The following SLC2A13 variants were observed in gnomAD, a reference collection of about 807,000 sequenced individuals.
The protein encoded by SLC2A13 is proton myo-inositol cotransporter.
A neutral mutation model predicts 64.4 loss-of-function variants in SLC2A13; 32 were observed. That is an observed-to-expected ratio of 0.50 (90% CI 0.37 to 0.67). The LOEUF is 0.67. SLC2A13 is among the 30% of genes least tolerant of loss of function. The pLI, the probability that SLC2A13 is intolerant of heterozygous loss-of-function variation, is 0.00. For synonymous variants in SLC2A13, 338 were observed against 327.1 expected, an observed-to-expected ratio of 1.03 and a Z score of -0.36; for missense variants, 743 against 829.2, an observed-to-expected ratio of 0.90 and a Z score of 1.28.
At chr12:40,104,849 T>C (rs1056514554) in intron 1 of SLC2A13, among the ~76,000 whole-genome samples, 2 of 152,092 alleles carry the variant, frequency 1.3e-5, no homozygotes, top group African/African-American at 2.4e-5. Flanking sequence ...GGGCTAGCAG[T>C]GGAGAGGCAA....
intron 7 of SLC2A13, among the ~76,000 whole-genome samples, chr12:39,785,693 C>G (rs769441479): frequency 3.9e-5 from 6 of 152,106 alleles, no homozygotes; most frequent in Non-Finnish European, 8.8e-5. Context: ...TGAAAGCAGC[C>G]AGGAGGGAGG....
At chr12:39,819,573 A>G (rs2135822942) in intron 7 of SLC2A13, among the ~76,000 whole-genome samples, 1 of 152,254 alleles carries the variant, frequency 6.6e-6, no homozygotes, top group Non-Finnish European at 1.5e-5. Flanking sequence ...CTTTTCTCTC[A>G]AATGTCCTTG....
At chr12:39,850,894 C>T (rs561368499) in intron 6 of SLC2A13, among the ~76,000 whole-genome samples, 5 of 151,644 alleles carry the variant, frequency 3.3e-5, no homozygotes, top group Non-Finnish European at 7.4e-5. Context: ...TTAGGCCCCA[C>T]AAAGTTAATT....
chr12:40,080,756 G>A (rs1188821298), intron 1 of SLC2A13, among the ~76,000 whole-genome samples: 1 of 152,156 alleles, frequency 6.6e-6, no homozygotes, highest in Non-Finnish European at 1.5e-5. Context: ...GTTGTTAGTA[G>A]GTTGTTATGC....
At chr12:40,043,406 G>A (rs571447649) in intron 2 of SLC2A13, among the ~76,000 whole-genome samples, 4 of 152,132 alleles carry the variant, frequency 2.6e-5, no homozygotes, top group Admixed American at 2.6e-4. Context: ...GAGGCAGGTG[G>A]CTCACTTGAG....
At chr12:39,886,235 T>C (rs1221434350) in intron 4 of SLC2A13, among the ~76,000 whole-genome samples, 1 of 152,092 alleles carries the variant, frequency 6.6e-6, no homozygotes, top group Non-Finnish European at 1.5e-5. Flanking sequence ...GACACACAAA[T>C]GTATTATTAA....
intron 6 of SLC2A13, among the ~76,000 whole-genome samples, chr12:39,861,197 C>A (rs1042438501): frequency 3.9e-5 from 6 of 152,204 alleles, no homozygotes; most frequent in Non-Finnish European, 4.4e-5. Context: ...TCTCTGAGTG[C>A]CATCATCCCA....
rs556669152 is a variant in SLC2A13, at chr12:39,800,432, G to A, written c.1445+29671C>T. On this transcript the variant is annotated intron_variant, in intron 7 of 9. Coordinates refer to ENST00000280871, the MANE Select transcript of SLC2A13 (RefSeq NM_052885.4). Reference sequence around the variant, plus strand: ...CAAACAACCCCATCAAAAAGTGGGCGAAGGACATGAACAGACACTTCTCAA... The same window carrying A: ...CAAACAACCCCATCAAAAAGTGGGCAAAGGACATGAACAGACACTTCTCAA... Among the ~76,000 whole-genome samples, 807 of 146,168 alleles carry A rather than the reference G, an allele frequency of 5.5e-3. 8 individuals are homozygous for A. The highest frequency in any genetic ancestry group is 0.017 in the African/African-American group (687 of 39,414).
At chr12:39,808,284 C>A (rs989200730) in intron 7 of SLC2A13, among the ~76,000 whole-genome samples, 10 of 152,114 alleles carry the variant, frequency 6.6e-5, no homozygotes, top group Non-Finnish European at 1.3e-4. Context: ...ATCAGTAATT[C>A]CTTCCATCTA....
intron 1 of SLC2A13, among the ~76,000 whole-genome samples, chr12:40,048,904 C>G (rs971795576): frequency 2.0e-5 from 3 of 152,082 alleles, no homozygotes; most frequent in East Asian, 1.9e-4. Context: ...TTACCTCACC[C>G]ACCTCAGACC....
intron 3 of SLC2A13, among the ~76,000 whole-genome samples, chr12:39,974,891 C>T (rs982920456): frequency 6.6e-5 from 10 of 152,146 alleles, no homozygotes; most frequent in African/African-American, 2.4e-4. Context: ...AAATTCTTTT[C>T]TATTGCCAAC....
chr12:39,912,201 CT>C (rs1367037828), intron 4 of SLC2A13, among the ~76,000 whole-genome samples: 1 of 152,034 alleles, frequency 6.6e-6, no homozygotes, highest in Non-Finnish European at 1.5e-5. Flanking sequence ...TATAATTGAG[CT>C]TCCTAGATGT....
chr12:39,980,091 A>C (rs1946859332), intron 3 of SLC2A13, among the ~76,000 whole-genome samples: 1 of 152,124 alleles, frequency 6.6e-6, no homozygotes, highest in Non-Finnish European at 1.5e-5. Context: ...TAAGTGAAGG[A>C]GAAATAAAAT....
intron 3 of SLC2A13, among the ~76,000 whole-genome samples, chr12:39,986,766 C>A (rs142011252): frequency 9.2e-5 from 14 of 151,674 alleles, no homozygotes; most frequent in African/African-American, 3.4e-4. Flanking sequence ...ATCAAACCGA[C>A]CAATTTCAAA....
At chr12:39,926,093 T>C (rs541874067) in intron 4 of SLC2A13, among the ~76,000 whole-genome samples, 1 of 152,296 alleles carries the variant, frequency 6.6e-6, no homozygotes, top group East Asian at 1.9e-4. Flanking sequence ...GCAAAGATTA[T>C]TGGAAATCTG....
intron 7 of SLC2A13, among the ~76,000 whole-genome samples, chr12:39,794,002 C>T (rs1178587712): frequency 1.3e-5 from 2 of 151,700 alleles, no homozygotes; most frequent in Non-Finnish European, 2.9e-5. Flanking sequence ...ATTTTCTGCT[C>T]TGAACCTAAT....
At chr12:39,793,986 T>C (rs1230741293) in intron 7 of SLC2A13, among the ~76,000 whole-genome samples, 1 of 152,012 alleles carries the variant, frequency 6.6e-6, no homozygotes, top group Non-Finnish European at 1.5e-5. Context: ...TGTGGAGAAC[T>C]GTAAAATTTT....
chr12:39,812,633 C>T (rs577258596), intron 7 of SLC2A13, among the ~76,000 whole-genome samples: 140 of 151,728 alleles, frequency 9.2e-4, no homozygotes, highest in Middle Eastern at 3.4e-3. Flanking sequence ...CGGCTACGCC[C>T]GGCTGATTTG....
chr12:40,088,596 G>C (rs894445908), intron 1 of SLC2A13, among the ~76,000 whole-genome samples: 4 of 152,204 alleles, frequency 2.6e-5, no homozygotes, highest in Admixed American at 2.0e-4. Context: ...TCTTGGAGCT[G>C]TGTTAATACA....
Sources: gnomAD v4.1 joint callset for allele counts (sites outside exome capture counted in the v4.1 genomes callset) on GRCh38, gnomAD v4.1.1 for gene constraint, MANE v1.5 for transcripts, NCBI Gene and HGNC (gene_info 2026-07-23, HGNC 2026-07-21) for gene names.